PLXNA4: variants seen among roughly 807,000 people sequenced by gnomAD.
The protein encoded by PLXNA4 is plexin A4, also known as plexin-A4.
PLXNA4 carries 44 observed loss-of-function variants against 191.8 expected under a neutral mutation model. That is an observed-to-expected ratio of 0.23 (90% confidence interval 0.18 to 0.29). PLXNA4 has a LOEUF of 0.29. Ranked by LOEUF, PLXNA4 falls within the 10% of genes least tolerant of loss-of-function variation. The probability of loss-of-function intolerance (pLI) is 1.00; values close to 1 mark genes in which losing one functional copy is unlikely to be tolerated. For missense variants in PLXNA4, 1,800 were observed against 2,488.8 expected, an observed-to-expected ratio of 0.72 and a Z score of 5.89; for synonymous variants, 1,082 against 1,009.5, an observed-to-expected ratio of 1.07 and a Z score of -1.36.
chr7:132,161,736 G>T (rs898700592), intron 24 of PLXNA4, among the ~76,000 whole-genome samples: 1 of 152,112 alleles, frequency 6.6e-6, no homozygotes, highest in African/African-American at 2.4e-5. Flanking sequence ...GCTCTGGCAG[G>T]CTCCCGGGCG....
In PLXNA4 at chr7:132,508,380, T is replaced by C; in HGVS notation, c.314A>G (p.Asn105Ser). Residue 105 changes from asparagine to serine, a missense_variant, in exon 2 of 32, where the codon AAT (asparagine) becomes AGT (serine). Around this residue, in one of 6 missense-constraint regions of PLXNA4, gnomAD observed 1,397 missense variants for 1,880.4 expected, o/e 0.74. Transcript: ENST00000321063. This position sits in a 1 kb window ranked among gnomAD's most constrained non-coding sequence, Gnocchi z 4.4. Reference sequence around the variant, plus strand: ...ATTGTTGGTGGTGGTCAGGGGCTCATTGCAGGTCTGGACGATGCGGGGTGG... The same window carrying C: ...ATTGTTGGTGGTGGTCAGGGGCTCACTGCAGGTCTGGACGATGCGGGGTGG... The part of the protein sequence containing the change: ...CYPPRIVQTC[N>S]EPLTTTNNVN... 1.2e-6 allele frequency: 2 copies of C among 1,614,186 alleles called. No homozygotes were observed. The highest frequency in any genetic ancestry group is 1.7e-5 in the Admixed American group (1 of 60,022).
intron 3 of PLXNA4, among the ~76,000 whole-genome samples, chr7:132,375,653 T>G (rs913118156): frequency 3.3e-5 from 5 of 152,084 alleles, no homozygotes; most frequent in African/African-American, 1.2e-4. Flanking sequence ...TTCTGTCTAC[T>G]TGGGGAAGAG....
chr7:132,604,625 C>T (rs1015688111), intron 2 of PLXNA4, among the ~76,000 whole-genome samples: 18 of 152,016 alleles, frequency 1.2e-4, no homozygotes, highest in African/African-American at 4.3e-4. Context: ...GGTTCTCCTG[C>T]CCCACCCCAC....
At chr7:132,501,916 A>G (rs10808263) in intron 2 of PLXNA4, among the ~76,000 whole-genome samples, 66,328 of 151,926 alleles carry the variant, frequency 0.44, 15,798 homozygotes, top group East Asian at 0.73. Flanking sequence ...AGTGTAGTGG[A>G]GATGAGAGAG....
intron 21 of PLXNA4, among the ~76,000 whole-genome samples, chr7:132,171,271 G>T (rs1796278341): frequency 6.6e-6 from 1 of 152,218 alleles, no homozygotes; most frequent in Non-Finnish European, 1.5e-5. Flanking sequence ...TAATGATCTT[G>T]CAAAACTGAG....
At position 132,231,577 on chromosome 7, in the gene PLXNA4, G is replaced by A. The variant is rs1176519219; in HGVS notation, c.1605-3108C>T. Among the ~76,000 whole-genome samples, 6 of 151,978 alleles carry A rather than the reference G, an allele frequency of 3.9e-5. No homozygotes were observed. In the East Asian group the frequency reaches 5.8e-4, roughly 15 times the overall value. On this transcript the variant is annotated intron_variant, in intron 5 of 31. Transcript: ENST00000321063. ...GTAGCTGGGACTACAGGCACACACC[G>A]CCATGCCCAACTAACTTGTATTTTT...
chr7:132,575,284 A>ATCT (rs1321131210), intron 1 of PLXNA4, among the ~76,000 whole-genome samples: 45 of 152,222 alleles, frequency 3.0e-4, no homozygotes, highest in Non-Finnish European at 3.4e-4. Flanking sequence ...GAGAACAAGA[A>ATCT]TGAAAATGCT....
At chr7:132,197,035 T>C (rs1239594876) in intron 13 of PLXNA4, among the ~76,000 whole-genome samples, 2 of 152,216 alleles carry the variant, frequency 1.3e-5, no homozygotes, top group Non-Finnish European at 2.9e-5. Context: ...GCAATGATTT[T>C]TGATGCACAA....
At chr7:132,535,930 G>A (rs1305992201) in intron 1 of PLXNA4, among the ~76,000 whole-genome samples, 1 of 152,132 alleles carries the variant, frequency 6.6e-6, no homozygotes, top group African/African-American at 2.4e-5. Flanking sequence ...AAAAACTGGG[G>A]TTTACAGAGA....
At position 132,130,279 on chromosome 7, in the gene PLXNA4, C is replaced by T. The variant is rs539096440; in HGVS notation, c.*200G>A. The T allele has an allele frequency of 2.9e-5, 21 of 719,530 alleles. No individual in the cohort carries two copies. The Middle Eastern group carries it at 1.3e-3, about 43-fold the overall frequency. The allele number at this position is 719,530 out of a possible 1,614,324, so 44.6% of individuals were successfully genotyped here. On this transcript the variant is annotated 3_prime_UTR_variant, in exon 32 of 32. Transcript: ENST00000321063. Reference sequence around the variant, plus strand: ...CTGAGGGTCAGTGGCTTGGTCCAATCGTGTTGGCAGAGCAACTGGAAGAGA... The same window carrying T: ...CTGAGGGTCAGTGGCTTGGTCCAATTGTGTTGGCAGAGCAACTGGAAGAGA...
At chr7:132,542,720 C>T (rs73158891) in intron 1 of PLXNA4, among the ~76,000 whole-genome samples, 15,482 of 151,984 alleles carry the variant, frequency 0.1, 1,048 homozygotes, top group Non-Finnish European at 0.14. Context: ...TTTCATTTGC[C>T]CACTGCCCTA....
At chr7:132,438,958 T>C (rs1246413898) in intron 3 of PLXNA4, among the ~76,000 whole-genome samples, 3 of 152,242 alleles carry the variant, frequency 2.0e-5, no homozygotes, top group Non-Finnish European at 4.4e-5. Context: ...TGAGATGAAC[T>C]GTCACGTCCC....
At chr7:132,582,567 TTGAGAAAC>T (rs1439032598) in intron 2 of PLXNA4, among the ~76,000 whole-genome samples, 1 of 152,136 alleles carries the variant, frequency 6.6e-6, no homozygotes, top group Admixed American at 6.5e-5. Context: ...CTGCCATGTG[TTGAGAAAC>T]TGAGCTACCC....
chr7:132,202,218 G>T (rs1323321252), intron 12 of PLXNA4, among the ~76,000 whole-genome samples: 1 of 152,136 alleles, frequency 6.6e-6, no homozygotes, highest in Non-Finnish European at 1.5e-5. Flanking sequence ...AGACCTCTCT[G>T]TTGTGACCTT....
intron 3 of PLXNA4, chr7:132,385,012 C>T: frequency 7.1e-7 from 1 of 1,413,768 alleles, no homozygotes; most frequent in Non-Finnish European, 9.2e-7. Flanking sequence ...CCTAGCCAAG[C>T]TAAGCAGAGA....
intron 3 of PLXNA4, among the ~76,000 whole-genome samples, chr7:132,371,158 TG>T (rs1207929758): frequency 1.3e-5 from 2 of 149,778 alleles, no homozygotes; most frequent in Non-Finnish European, 3.0e-5. Context: ...GAGAGGGAAA[TG>T]GGGGTGGGGA....
At chr7:132,445,292 C>T (rs1192394809) in intron 3 of PLXNA4, among the ~76,000 whole-genome samples, 1 of 151,764 alleles carries the variant, frequency 6.6e-6, no homozygotes, top group Non-Finnish European at 1.5e-5. Flanking sequence ...ATTTCTCGAG[C>T]AGATGCAAAG....
At chr7:132,410,251 A>G (rs1371432938) in intron 3 of PLXNA4, among the ~76,000 whole-genome samples, 1 of 151,210 alleles carries the variant, frequency 6.6e-6, no homozygotes, top group African/African-American at 2.4e-5. Context: ...CTTTACAGAC[A>G]GGACTGAGAC....
chr7:132,573,809 G>C (rs1802094075), intron 1 of PLXNA4, among the ~76,000 whole-genome samples: 1 of 152,182 alleles, frequency 6.6e-6, no homozygotes, highest in Non-Finnish European at 1.5e-5. Flanking sequence ...CCCATGCCTA[G>C]TGCTCACAGG....
Sources: allele counts gnomAD v4.1 joint callset (sites outside exome capture counted in the v4.1 genomes callset), GRCh38; gene constraint gnomAD v4.1.1; regional missense constraint gnomAD v4.1.1; non-coding constraint Gnocchi (gnomAD v3.1); transcripts MANE v1.5; gene names NCBI Gene and HGNC (gene_info 2026-07-23, HGNC 2026-07-21).